The following ITFG1 variants were observed in gnomAD, a reference collection of about 807,000 sequenced individuals.
ITFG1 encodes T-cell immunomodulatory protein.
Under a neutral mutation model 81.8 loss-of-function variants are expected in ITFG1, and 34 were observed. That is an observed-to-expected ratio of 0.42 (90% CI 0.32 to 0.55). The LOEUF (loss-of-function observed/expected upper bound fraction) is 0.55. ITFG1 is among the 20% of genes least tolerant of loss of function. ITFG1 has a pLI of 0.17. For synonymous variants in ITFG1, 285 were observed against 270.6 expected, an observed-to-expected ratio of 1.05 and a Z score of -0.52; for missense variants, 672 against 755.4, an observed-to-expected ratio of 0.89 and a Z score of 1.29.
intron 8 of ITFG1, among the ~76,000 whole-genome samples, chr16:47,350,398 C>G (rs1201700156): frequency 2.6e-5 from 4 of 152,176 alleles, no homozygotes; most frequent in Non-Finnish European, 4.4e-5. Flanking sequence ...ACCGATCCCA[C>G]AGAAATACAA....
intron 13 of ITFG1, among the ~76,000 whole-genome samples, chr16:47,235,243 G>A (rs572444465): frequency 6.6e-6 from 1 of 151,952 alleles, no homozygotes; most frequent in South Asian, 2.1e-4. Flanking sequence ...ACACTGGAAA[G>A]TCAGTGCTTT....
chr16:47,233,611 T>G (rs889789841), intron 13 of ITFG1, among the ~76,000 whole-genome samples: 1 of 152,190 alleles, frequency 6.6e-6, no homozygotes, highest in African/African-American at 2.4e-5. Context: ...CAAAGAAAAC[T>G]TCTACTACAG....
At chr16:47,184,292 T>C (rs577847366) in intron 14 of ITFG1, among the ~76,000 whole-genome samples, 1 of 152,058 alleles carries the variant, frequency 6.6e-6, no homozygotes, top group Non-Finnish European at 1.5e-5. Context: ...ACAAAGATAC[T>C]CCTCGAGAAG....
chr16:47,260,694 T>C lies in ITFG1; in HGVS notation c.1072A>G (p.Asn358Asp), dbSNP rs772859583. The change falls in exon 11 of 18, where the codon AAC (asparagine) becomes GAC (aspartate). Residue 358 changes from asparagine (N) to aspartate (D), a missense_variant and splice_region_variant. Around this residue, in one of 3 missense-constraint regions of ITFG1, gnomAD observed 560 missense variants for 625.7 expected, o/e 0.90. Coordinates refer to ENST00000320640, the MANE Select transcript of ITFG1 (RefSeq NM_030790.5). Reference protein sequence around the residue: ...LVILKNTSGSNQQAFLLENVP... With the variant: ...LVILKNTSGSDQQAFLLENVP... ...TTCTCCAGTAAAAAGGCCTGCTGGT[T>C]GCTGTGCGCCAAAGGAAAGGCATTT... 3.7e-6 allele frequency: 6 copies of C among 1,614,092 alleles called. No homozygotes were observed. In the Admixed American group the frequency reaches 1.0e-4, roughly 27 times the overall value.
intron 8 of ITFG1, among the ~76,000 whole-genome samples, chr16:47,336,378 G>A (rs919844447): frequency 6.6e-6 from 1 of 152,154 alleles, no homozygotes; most frequent in African/African-American, 2.4e-5. Flanking sequence ...TGCTGCTCTC[G>A]GCTGTGGTAG....
intron 8 of ITFG1, among the ~76,000 whole-genome samples, chr16:47,354,015 T>C (rs1482479448): frequency 6.6e-6 from 1 of 152,068 alleles, no homozygotes; most frequent in African/African-American, 2.4e-5. Flanking sequence ...CCTATCAAAA[T>C]ACCAATGACA....
intron 8 of ITFG1, among the ~76,000 whole-genome samples, chr16:47,335,350 C>T (rs1967689441): frequency 6.6e-6 from 1 of 151,998 alleles, no homozygotes; most frequent in African/African-American, 2.4e-5. Context: ...AAGAGCGAGA[C>T]TCTAAGAAAA....
intron 13 of ITFG1, among the ~76,000 whole-genome samples, chr16:47,236,474 C>CAAAAAAAA (rs68028486): frequency 1.9e-5 from 1 of 52,296 alleles, no homozygotes; most frequent in African/African-American, 6.4e-5. Context: ...GACTCCATCT[C>CAAAAAAAA]AAAAAAAAAA....
chr16:47,392,289 C>T (rs1035442412), intron 6 of ITFG1, among the ~76,000 whole-genome samples: 3 of 152,102 alleles, frequency 2.0e-5, no homozygotes, highest in African/African-American at 7.2e-5. Context: ...ACAAAAACCA[C>T]AAAACAAATA....
intron 2 of ITFG1, 27 bp from the exon 3 acceptor site, chr16:47,454,185 T>C: frequency 1.9e-6 from 3 of 1,562,786 alleles, no homozygotes; most frequent in Non-Finnish European, 2.6e-6. Context: ...TTTACAAATA[T>C]CAGACAAGTT....
At chr16:47,430,453 C>T (rs1465702020) in intron 5 of ITFG1, among the ~76,000 whole-genome samples, 2 of 151,876 alleles carry the variant, frequency 1.3e-5, no homozygotes, top group African/African-American at 2.4e-5. Context: ...TCTTTTGGTA[C>T]CATATCAAAG....
intron 4 of ITFG1, 39 bp from the exon 5 acceptor site, chr16:47,451,509 A>G (rs374523232): frequency 9.2e-7 from 1 of 1,086,826 alleles, no homozygotes; most frequent in Non-Finnish European, 1.4e-6. Flanking sequence ...TATTTCTTTA[A>G]ATTCTTACTT....
intron 6 of ITFG1, among the ~76,000 whole-genome samples, chr16:47,380,244 A>T (rs1267465441): frequency 1.3e-5 from 2 of 152,116 alleles, no homozygotes; most frequent in Non-Finnish European, 2.9e-5. Flanking sequence ...TAGGTTGATG[A>T]AGCAGAAACT....
intron 1 of ITFG1, among the ~76,000 whole-genome samples, chr16:47,459,736 A>C (rs1969501158): frequency 6.6e-6 from 1 of 152,192 alleles, no homozygotes; most frequent in Admixed American, 6.5e-5. Flanking sequence ...ATTGAGACAG[A>C]CTTTTGGAAT....
chr16:47,353,783 C>T (rs1386724654), intron 8 of ITFG1, among the ~76,000 whole-genome samples: 1 of 151,616 alleles, frequency 6.6e-6, no homozygotes, highest in Non-Finnish European at 1.5e-5. Context: ...GAAAAAAATC[C>T]CACTTACAAT....
rs757209088 is a variant in ITFG1, at chr16:47,461,009, G to A, written c.37C>T (p.Leu13Phe). The change falls in exon 1 of 18, where the codon CTC (leucine) becomes TTC (phenylalanine). Residue 13 changes from leucine to phenylalanine, a missense_variant. Transcript: ENST00000320640. The part of the protein sequence containing the change: ...AAGRLPSSWA[L>F]FSPLLAGLAL... ...AGCCCTGCGAGGAGCGGCGAGAAGA[G>A]GGCCCAGGAGCTCGGGAGCCGGCCC... 2.0e-5 allele frequency: 31 copies of A among 1,556,450 alleles called. No homozygotes were observed. The highest frequency in any genetic ancestry group is 1.8e-5 in the Non-Finnish European group (21 of 1,151,788).
chr16:47,276,057 C>T (rs1966394459), intron 10 of ITFG1, among the ~76,000 whole-genome samples: 1 of 151,808 alleles, frequency 6.6e-6, no homozygotes, highest in Admixed American at 6.6e-5. Context: ...AGGTCCTGGC[C>T]AATGCAATAA....
At chr16:47,177,587 A>T (rs1158449732) in intron 14 of ITFG1, among the ~76,000 whole-genome samples, 2 of 152,222 alleles carry the variant, frequency 1.3e-5, no homozygotes, top group Non-Finnish European at 1.5e-5. Flanking sequence ...CCGCATATAC[A>T]TATTGTAATT....
At chr16:47,415,288 C>T (rs975747690) in intron 6 of ITFG1, among the ~76,000 whole-genome samples, 4 of 152,102 alleles carry the variant, frequency 2.6e-5, no homozygotes, top group Non-Finnish European at 5.9e-5. Context: ...ATAACAGAGT[C>T]GACTTTAGGT....
Sources: gnomAD v4.1 joint callset for allele counts (sites outside exome capture counted in the v4.1 genomes callset) on GRCh38, gnomAD v4.1.1 for gene constraint, gnomAD v4.1.1 regional missense constraint, MANE v1.5 for transcripts, NCBI Gene and HGNC (gene_info 2026-07-23, HGNC 2026-07-21) for gene names.